Variants in TXNRD2 observed in about 807,000 individuals in gnomAD.
The protein encoded by TXNRD2 is thioredoxin reductase 2, mitochondrial.
Under a neutral mutation model 70.8 loss-of-function variants are expected in TXNRD2, and 67 were observed. The ratio of observed to expected loss-of-function variants is 0.95; its 90% CI spans 0.78 to 1.16. The LOEUF (loss-of-function observed/expected upper bound fraction) is 1.16. TXNRD2 is among the 50% of genes most tolerant of loss of function. TXNRD2 has a pLI of 0.00. For missense variants in TXNRD2, 644 were observed against 719.9 expected, an observed-to-expected ratio of 0.89 and a Z score of 1.21; for synonymous variants, 301 against 295.8, an observed-to-expected ratio of 1.02 and a Z score of -0.18.
chr22:19,888,027 A>ACCT (rs1318839700), intron 11 of TXNRD2: 1 of 152,368 alleles, frequency 6.6e-6, no homozygotes, highest in African/African-American at 2.4e-5. Context: ...CCAAAAAAAT[A>ACCT]GTAATTCCAG....
intron 8 of TXNRD2, chr22:19,903,093 G>A (rs1317673374): frequency 1.9e-6 from 1 of 514,232 alleles, no homozygotes; most frequent in African/African-American, 1.9e-5. Context: ...GCCTCAGAGG[G>A]TGGACAGGCC....
rs1454322676 is a variant in TXNRD2 at position 19,883,424 on chromosome 22, C to A, written c.987G>T (p.Lys329Asn). The A allele has an allele frequency of 6.2e-7, 1 of 1,613,952 alleles. No individual in the cohort carries two copies. Among genetic ancestry groups the A allele is most frequent in the African/African-American group, 1.3e-5 (1 of 74,946 alleles). Reference protein sequence around the residue: ...VPDTRSLNLEKAGVDTSPDTQ... With the variant: ...VPDTRSLNLENAGVDTSPDTQ... ...TGTCGGGGCTAGTATCTACCCCAGCCTTCTCCAAATTCAGACTTCTGGTGT... is the reference window on the plus strand; with the variant it reads ...TGTCGGGGCTAGTATCTACCCCAGCATTCTCCAAATTCAGACTTCTGGTGT... Residue 329 changes from lysine to asparagine, a missense_variant, in exon 12 of 18, where the codon AAG becomes AAT. Physicochemically the swap from Lys to Asn is moderately conservative, Grantham distance 94. Transcript: ENST00000400521.
intron 1 of TXNRD2, among the ~76,000 whole-genome samples, chr22:19,935,720 C>A (rs1941513890): frequency 6.6e-6 from 1 of 152,180 alleles, no homozygotes; most frequent in Non-Finnish European, 1.5e-5. Context: ...CCGGCTGACA[C>A]TTACAGAAAA....
chr22:19,909,785 ACACACACACCACT>A (rs1252705846), intron 8 of TXNRD2, among the ~76,000 whole-genome samples: 24 of 106,690 alleles, frequency 2.2e-4, no homozygotes, highest in Admixed American at 5.0e-4. Context: ...CACACACACC[ACACACACACCACT>A]CACACACACC....
intron 1 of TXNRD2, 161 bp downstream of exon 1, chr22:19,941,540 G>A (rs1391317839): frequency 1.6e-6 from 2 of 1,226,766 alleles, no homozygotes; most frequent in African/African-American, 1.6e-5. Flanking sequence ...GCTAGAAGCA[G>A]CCCGGACTCC....
intron 1 of TXNRD2, among the ~76,000 whole-genome samples, chr22:19,936,849 A>C (rs1422117203): frequency 1.3e-5 from 2 of 152,134 alleles, no homozygotes; most frequent in African/African-American, 4.8e-5. Flanking sequence ...CTGCTCTTGA[A>C]ACTTTCATGC....
At chr22:19,913,021 C>A (rs574264847) in intron 7 of TXNRD2, among the ~76,000 whole-genome samples, 1 of 152,176 alleles carries the variant, frequency 6.6e-6, no homozygotes, top group Non-Finnish European at 1.5e-5. Flanking sequence ...TTGGAGCAGG[C>A]GGCACACGGT....
intron 11 of TXNRD2, among the ~76,000 whole-genome samples, chr22:19,893,387 A>G (rs1939349393): frequency 6.6e-6 from 1 of 152,230 alleles, no homozygotes; most frequent in African/African-American, 2.4e-5. Context: ...AGCCTAAACT[A>G]GACGGCCAGG....
At chr22:19,932,503 G>A in intron 1 of TXNRD2, 1 of 1,582,812 alleles carries the variant, frequency 6.3e-7, no homozygotes, top group Non-Finnish European at 8.6e-7. Flanking sequence ...AGAAGGGACT[G>A]GAGGGAGGAA....
chr22:19,900,866 T>C (rs926129358), intron 8 of TXNRD2, among the ~76,000 whole-genome samples: 3 of 152,254 alleles, frequency 2.0e-5, no homozygotes, highest in Non-Finnish European at 4.4e-5. Context: ...CATTGTGTGG[T>C]GCCCTTTGCC....
chr22:19,892,069 AT>A (rs1939286785), intron 11 of TXNRD2, among the ~76,000 whole-genome samples: 1 of 152,214 alleles, frequency 6.6e-6, no homozygotes, highest in Non-Finnish European at 1.5e-5. Context: ...GCACGGAGGC[AT>A]CCCCCCTTCC....
At chr22:19,914,089 T>C (rs1208677215) in intron 7 of TXNRD2, among the ~76,000 whole-genome samples, 1 of 152,090 alleles carries the variant, frequency 6.6e-6, no homozygotes, top group Admixed American at 6.6e-5. Flanking sequence ...AATAAAAAAA[T>C]TACAAGATAC....
chr22:19,883,279 G>T, intron 12 of TXNRD2, 46 bp downstream of exon 12: 1 of 1,604,738 alleles, frequency 6.2e-7, no homozygotes, highest in Non-Finnish European at 8.5e-7. Flanking sequence ...CAGGGGTGGT[G>T]GAGCAGGCAG....
chr22:19,933,689 G>A (rs1941446149), intron 1 of TXNRD2, among the ~76,000 whole-genome samples: 1 of 152,210 alleles, frequency 6.6e-6, no homozygotes, highest in Non-Finnish European at 1.5e-5. Flanking sequence ...GGAAGGGCTT[G>A]GGTAGCCTGC....
chr22:19,922,687 C>A (rs2146061420), intron 2 of TXNRD2, among the ~76,000 whole-genome samples: 1 of 152,096 alleles, frequency 6.6e-6, no homozygotes, highest in South Asian at 2.1e-4. Context: ...TGGGAAGGAT[C>A]TTTTTTTCTC....
intron 8 of TXNRD2, among the ~76,000 whole-genome samples, chr22:19,909,874 T>TCACACACACAACCACACACACCCTACC (rs1295818653): frequency 2.5e-5 from 1 of 40,586 alleles, no homozygotes; most frequent in East Asian, 7.0e-4. Context: ...CACACACCAC[T>TCACACACACAACCACACACACCCTACC]CACACACACC....
At chr22:19,911,060 G>A (rs1205051352) in intron 8 of TXNRD2, 2 of 389,940 alleles carry the variant, frequency 5.1e-6, no homozygotes, top group Non-Finnish European at 9.8e-6. Context: ...GGGGGACAGA[G>A]TGAGAATTCA....
chr22:19,881,795 T>G (rs1361802824), intron 12 of TXNRD2, among the ~76,000 whole-genome samples: 1 of 152,186 alleles, frequency 6.6e-6, no homozygotes, highest in East Asian at 1.9e-4. Context: ...AGGCAGAGGC[T>G]GCGCTTGCAG....
intron 2 of TXNRD2, among the ~76,000 whole-genome samples, chr22:19,924,981 GA>G (rs66630445): frequency 0.17 from 22,422 of 134,176 alleles, 1,942 homozygotes; most frequent in East Asian, 0.37. Context: ...TTAAAGTACT[GA>G]AAAAAAAAAA....
Sources: gnomAD v4.1 joint callset for allele counts (sites outside exome capture counted in the v4.1 genomes callset) on GRCh38, gnomAD v4.1.1 for gene constraint, MANE v1.5 for transcripts, NCBI Gene and HGNC (gene_info 2026-07-23, HGNC 2026-07-21) for gene names.